The following NHSL2 variants were observed in gnomAD, a reference collection of about 807,000 sequenced individuals.
NHSL2 encodes NHS like 2.
A neutral mutation model predicts 53.4 loss-of-function variants in NHSL2; 27 were observed. That is an observed-to-expected ratio of 0.51 (90% CI 0.37 to 0.70). The LOEUF (loss-of-function observed/expected upper bound fraction) is 0.70. NHSL2 is among the 30% of genes least tolerant of loss of function. The pLI is 0.00. For missense variants in NHSL2, 892 were observed against 980.1 expected (o/e 0.91, Z 1.20); for synonymous variants, 408 against 404.1 (o/e 1.01, Z -0.12).
chrX:72,092,165 C>T (rs972524376), intron 1 of NHSL2, among the ~76,000 whole-genome samples: 2 of 111,540 alleles, frequency 1.8e-5, no homozygotes, highest in South Asian at 3.8e-4. Context: ...TTTCCTTGGG[C>T]GATGGGACAT....
chrX:72,138,413 A>G, intron 5 of NHSL2, 28 bp from the exon 6 acceptor site: 4 of 1,081,039 alleles, frequency 3.7e-6, no homozygotes, highest in South Asian at 2.5e-5. Context: ...TTGCTGTAGC[A>G]CTCATGTCCT....
At chrX:71,936,299 C>T (rs1365290040) in intron 1 of NHSL2, among the ~76,000 whole-genome samples, 1 of 112,224 alleles carries the variant, frequency 8.9e-6, no homozygotes, top group African/African-American at 3.2e-5. Flanking sequence ...TGGGGCCCAC[C>T]ACCTGTCAGT....
rs1262867695 is a variant in NHSL2 at position 72,150,071 on chromosome X, A to T, written c.*6497A>T. ...TTCCCAGGTATTTCAATGAACTAAT[A>T]TATATGCTTTAAGGGAAAATGTTCA... On this transcript the variant is annotated 3_prime_UTR_variant, in exon 8 of 8. Coordinates refer to ENST00000633930, the MANE Select transcript of NHSL2 (RefSeq NM_001013627.3). 1.8e-5 allele frequency: 2 copies of T among 112,825 alleles called. No individual in the cohort carries two copies. Among genetic ancestry groups the T allele is most frequent in the South Asian group, 7.1e-4 (2 of 2,804 alleles). 9.3% of individuals were successfully genotyped at this position (112,825 alleles called of 1,213,427 possible).
At chrX:71,958,212 C>T (rs2041852026) in intron 1 of NHSL2, among the ~76,000 whole-genome samples, 1 of 110,822 alleles carries the variant, frequency 9.0e-6, no homozygotes, top group Admixed American at 9.6e-5. Context: ...AGTCCTAGAG[C>T]CTCACTATAA....
chrX:71,948,827 CA>C (rs55981141), intron 1 of NHSL2, among the ~76,000 whole-genome samples: 7,386 of 82,981 alleles, frequency 0.089, 368 homozygotes, highest in East Asian at 0.28. Context: ...AAGACTCTGT[CA>C]AAAAAAAAAA....
At position 72,139,638 on chromosome X, in the gene NHSL2, G is replaced by C. The variant is rs1169216551; in HGVS notation, c.2090G>C (p.Arg697Thr). 1 of 1,211,235 alleles carries C rather than the reference G, an allele frequency of 8.3e-7. No homozygotes were observed. The highest frequency in any genetic ancestry group is 3.0e-5 in the East Asian group (1 of 33,820). The change falls in exon 6 of 8, where the codon AGG becomes ACG. Residue 697 changes from arginine to threonine, a missense_variant. Physicochemically the swap from Arg to Thr is moderately conservative, Grantham distance 71 (BLOSUM62 -1). Coordinates refer to ENST00000633930, the MANE Select transcript of NHSL2 (RefSeq NM_001013627.3). ...PSQLSIEVEA[R>T]EISSPGRPPG... ...CAACTCTCCATTGAAGTGGAGGCCA[G>C]GGAGATATCATCCCCGGGAAGGCCC... is the stretch of plus-strand genomic sequence containing the variant.
At chrX:71,988,300 G>A (rs1367980541) in intron 1 of NHSL2, among the ~76,000 whole-genome samples, 2 of 111,524 alleles carry the variant, frequency 1.8e-5, no homozygotes, top group Admixed American at 1.9e-4. Flanking sequence ...TCCCCCTTTA[G>A]GGAGGAAAAA....
At position 71,964,999 on chromosome X, in the gene NHSL2, T is replaced by C. The variant is rs1373945341; in HGVS notation, c.280+53632T>C. Among the ~76,000 whole-genome samples the C allele has an allele frequency of 2.7e-5, 3 of 111,997 alleles. 1 individual carries two copies. Among genetic ancestry groups the C allele is most frequent in the Middle Eastern group, 8.4e-3 (2 of 239 alleles). The stretch of plus-strand genomic sequence containing the variant: ...TTGATAGTGGAGGAGATTGGTTGCA[T>C]GTATATGGAGACAGGGAGTGTAGGA... On this transcript the variant is annotated intron_variant, in intron 1 of 7. Transcript: ENST00000633930.
At chrX:72,120,640 G>A (rs373990961) in intron 1 of NHSL2, among the ~76,000 whole-genome samples, 3 of 111,799 alleles carry the variant, frequency 2.7e-5, no homozygotes, top group East Asian at 2.8e-4. Flanking sequence ...TTGGCCCTCC[G>A]CCTCCTTCTG....
intron 1 of NHSL2, among the ~76,000 whole-genome samples, chrX:71,919,503 C>T (rs2041646198): frequency 8.9e-6 from 1 of 112,024 alleles, no homozygotes; most frequent in Admixed American, 9.4e-5. Context: ...AAGAATGTTC[C>T]TAGACAGCTA....
At chrX:72,051,616 T>C (rs755007788) in intron 1 of NHSL2, among the ~76,000 whole-genome samples, 12 of 111,156 alleles carry the variant, frequency 1.1e-4, no homozygotes, top group Non-Finnish European at 2.1e-4. Flanking sequence ...TCAACCCTAT[T>C]TAAGGTTTCC....
intron 1 of NHSL2, among the ~76,000 whole-genome samples, chrX:72,048,752 GA>G (rs2042319694): frequency 9.1e-6 from 1 of 109,949 alleles, no homozygotes; most frequent in Non-Finnish European, 1.9e-5. Context: ...CCTGTTTCAG[GA>G]AGGTAGAAAA....
intron 1 of NHSL2, among the ~76,000 whole-genome samples, chrX:72,043,995 A>G (rs1338837138): frequency 8.9e-6 from 1 of 112,150 alleles, no homozygotes; most frequent in African/African-American, 3.2e-5. Context: ...GGATACAGAA[A>G]TAAATGAAGC....
intron 1 of NHSL2, among the ~76,000 whole-genome samples, chrX:72,089,359 CA>C (rs768585443): frequency 2.7e-5 from 3 of 111,210 alleles, no homozygotes; most frequent in Non-Finnish European, 5.7e-5. Context: ...CAAGATAGCC[CA>C]ATAAAGAATG....
intron 1 of NHSL2, among the ~76,000 whole-genome samples, chrX:72,060,426 C>T (rs1414232155): frequency 1.8e-5 from 2 of 112,502 alleles, no homozygotes; most frequent in African/African-American, 6.5e-5. Context: ...GCTGTGCAAC[C>T]CTCAGCAAGT....
At chrX:72,082,911 A>G (rs1001923438) in intron 1 of NHSL2, among the ~76,000 whole-genome samples, 2 of 112,116 alleles carry the variant, frequency 1.8e-5, no homozygotes, top group Admixed American at 9.4e-5. Flanking sequence ...CCAGCCTTGC[A>G]GATAACAGCT....
In NHSL2 at chrX:72,144,289, G is replaced by A; in HGVS notation, c.*715G>A. The A allele has an allele frequency of 1.1e-5, 1 of 92,683 alleles. No homozygotes were observed. Among genetic ancestry groups the A allele is most frequent in the Non-Finnish European group, 1.8e-5 (1 of 54,362 alleles). The allele number at this position is 92,683 out of a possible 1,213,427, so 7.6% of individuals were successfully genotyped here. A position where few individuals can be genotyped will look rare whatever the true frequency, so the allele number is the denominator to read the frequency against. On this transcript the variant is annotated 3_prime_UTR_variant, in exon 8 of 8. Coordinates refer to ENST00000633930, the MANE Select transcript of NHSL2 (RefSeq NM_001013627.3). ...CACCCCCATTAGCTAGAAAAGACCA[G>A]GACTGGGTTGCTTTAAATGAACCAA...
chrX:72,115,508 T>A (rs1002913132), intron 1 of NHSL2, among the ~76,000 whole-genome samples: 6 of 109,010 alleles, frequency 5.5e-5, no homozygotes, highest in Non-Finnish European at 3.8e-5. Flanking sequence ...TATTAACCTA[T>A]GAGATCAATT....
rs775837308 is a variant in NHSL2 at position 72,139,654 on chromosome X, G to A, written c.2106G>A (p.Pro702=). The stretch of plus-strand genomic sequence containing the variant: ...TGGAGGCCAGGGAGATATCATCCCC[G>A]GGAAGGCCCCCTGGACTGATGTCAC... ...IEVEAREISS[P]GRPPGLMSPS... The change falls in exon 6 of 8, where the codon CCG becomes CCA. Residue 702 remains proline, a synonymous_variant. Coordinates refer to ENST00000633930, the MANE Select transcript of NHSL2 (RefSeq NM_001013627.3). 3.2e-5 allele frequency: 39 copies of A among 1,208,766 alleles called. No individual in the cohort carries two copies. The highest frequency in any genetic ancestry group is 3.6e-5 in the Non-Finnish European group (32 of 894,684).
Sources: gnomAD v4.1 joint callset for allele counts (sites outside exome capture counted in the v4.1 genomes callset) on GRCh38, gnomAD v4.1.1 for gene constraint, MANE v1.5 for transcripts, NCBI Gene and HGNC (gene_info 2026-07-23, HGNC 2026-07-21) for gene names.